The following SLC1A3 variants were observed in gnomAD, a reference collection of about 807,000 sequenced individuals.
SLC1A3 encodes excitatory amino acid transporter 1.
A neutral mutation model predicts 48.1 loss-of-function variants in SLC1A3; 21 were observed. That is an observed-to-expected ratio of 0.44 (90% CI 0.31 to 0.63). SLC1A3 has a LOEUF of 0.63. Ranked by LOEUF, SLC1A3 falls within the 20% of genes least tolerant of loss-of-function variation. SLC1A3 has a pLI of 0.08. For synonymous variants in SLC1A3, 239 were observed against 251.4 expected, an observed-to-expected ratio of 0.95 and a Z score of 0.47; for missense variants, 546 against 689.0, an observed-to-expected ratio of 0.79 and a Z score of 2.32.
intron 2 of SLC1A3, among the ~76,000 whole-genome samples, chr5:36,626,386 T>C (rs1739904597): frequency 6.6e-6 from 1 of 152,218 alleles, no homozygotes; most frequent in Non-Finnish European, 1.5e-5. Flanking sequence ...CTAGATAGTA[T>C]CCTGCCTACC....
intron 6 of SLC1A3, 99 bp from the exon 7 acceptor site, chr5:36,679,528 A>C: frequency 5.8e-6 from 5 of 861,726 alleles, no homozygotes; most frequent in Admixed American, 1.7e-5. Flanking sequence ...AAAGTTTGGC[A>C]GTCAACTCTC....
intron 6 of SLC1A3, among the ~76,000 whole-genome samples, chr5:36,677,753 A>G (rs912315661): frequency 6.6e-4 from 101 of 152,350 alleles, no homozygotes; most frequent in African/African-American, 2.2e-3. Flanking sequence ...CTGAATGAAC[A>G]GAGGAAGCAG....
At chr5:36,618,337 C>T (rs907371055) in intron 2 of SLC1A3, among the ~76,000 whole-genome samples, 1 of 152,142 alleles carries the variant, frequency 6.6e-6, no homozygotes, top group African/African-American at 2.4e-5. Context: ...CACCCCCTAC[C>T]ACCAATTTAG....
At chr5:36,597,570 C>T (rs931819633) in intron 1 of SLC1A3, among the ~76,000 whole-genome samples, 15 of 152,116 alleles carry the variant, frequency 9.9e-5, no homozygotes, top group African/African-American at 2.7e-4. Context: ...CCAAGAAATG[C>T]TGTCACTGCC....
chr5:36,654,268 T>C (rs1741203529), intron 3 of SLC1A3, among the ~76,000 whole-genome samples: 1 of 152,198 alleles, frequency 6.6e-6, no homozygotes, highest in Non-Finnish European at 1.5e-5. Flanking sequence ...GAAAACACTC[T>C]GTGAGTGGGA....
At chr5:36,610,375 C>T (rs1198303303) in intron 2 of SLC1A3, among the ~76,000 whole-genome samples, 1 of 152,208 alleles carries the variant, frequency 6.6e-6, no homozygotes, top group African/African-American at 2.4e-5. Context: ...TAAGCCACTT[C>T]CTTCTCATTC....
At chr5:36,621,827 G>A (rs1012845264) in intron 2 of SLC1A3, among the ~76,000 whole-genome samples, 2 of 152,106 alleles carry the variant, frequency 1.3e-5, no homozygotes, top group Admixed American at 1.3e-4. Flanking sequence ...GCCGTGTATA[G>A]CTCAATTGTC....
chr5:36,605,733 A>G (rs1331464042), upstream of SLC1A3, among the ~76,000 whole-genome samples: 4 of 152,114 alleles, frequency 2.6e-5, 1 homozygote, highest in East Asian at 1.9e-4. Context: ...TTATTTTCTA[A>G]TATCTATTTT....
chr5:36,681,260 T>C (rs1580047867), intron 8 of SLC1A3, among the ~76,000 whole-genome samples: 2 of 152,352 alleles, frequency 1.3e-5, no homozygotes, highest in East Asian at 3.9e-4. Flanking sequence ...CATGTTTGCC[T>C]TTGATTGGTT....
At chr5:36,656,616 T>G (rs4869682) in intron 3 of SLC1A3, among the ~76,000 whole-genome samples, 76,841 of 152,084 alleles carry the variant, frequency 0.51, 20,740 homozygotes, top group East Asian at 0.74. Context: ...GAAGAGGAGC[T>G]ACTATTTGTA....
intron 2 of SLC1A3, among the ~76,000 whole-genome samples, chr5:36,616,243 C>T (rs1739426954): frequency 6.6e-6 from 1 of 152,118 alleles, no homozygotes; most frequent in Non-Finnish European, 1.5e-5. Flanking sequence ...TCAAGATTGC[C>T]TAGAGCTTAT....
chr5:36,661,938 G>A (rs796308447), intron 3 of SLC1A3, among the ~76,000 whole-genome samples: 2 of 152,254 alleles, frequency 1.3e-5, no homozygotes, highest in African/African-American at 4.8e-5. Flanking sequence ...GTGCTATCTC[G>A]ATCATCTTCC....
chr5:36,616,489 G>C (rs569107576), intron 2 of SLC1A3, among the ~76,000 whole-genome samples: 1 of 152,104 alleles, frequency 6.6e-6, no homozygotes, highest in African/African-American at 2.4e-5. Flanking sequence ...ATTTCAAGAC[G>C]GGGTTTCTGT....
intron 3 of SLC1A3, among the ~76,000 whole-genome samples, chr5:36,654,579 TC>T (rs1741215104): frequency 6.6e-6 from 1 of 152,172 alleles, no homozygotes; most frequent in Non-Finnish European, 1.5e-5. Context: ...AGGCACCATT[TC>T]CTTTCCCCTA....
At chr5:36,635,173 G>GA (rs545440959) in intron 3 of SLC1A3, among the ~76,000 whole-genome samples, 7,805 of 131,978 alleles carry the variant, frequency 0.059, 297 homozygotes, top group African/African-American at 0.12. Flanking sequence ...ACGTTGTATT[G>GA]AAAAAAAAAA....
intron 2 of SLC1A3, among the ~76,000 whole-genome samples, chr5:36,620,567 A>T (rs1041745165): frequency 6.6e-6 from 1 of 152,180 alleles, no homozygotes; most frequent in Non-Finnish European, 1.5e-5. Context: ...TGTGCTCAGC[A>T]CCAGCTGGGG....
At chr5:36,613,009 G>A (rs367666333) in intron 2 of SLC1A3, 7 of 355,486 alleles carry the variant, frequency 2.0e-5, no homozygotes, top group African/African-American at 4.3e-5. Context: ...CCAATGGCCC[G>A]CTTTCTGGTT....
intron 2 of SLC1A3, among the ~76,000 whole-genome samples, chr5:36,620,002 C>T (rs985018148): frequency 1.3e-5 from 2 of 152,106 alleles, no homozygotes; most frequent in Non-Finnish European, 2.9e-5. Flanking sequence ...TGATCTCTCT[C>T]ATTTTGCAGA....
intron 2 of SLC1A3, among the ~76,000 whole-genome samples, chr5:36,613,823 C>G (rs1037751267): frequency 6.6e-6 from 1 of 152,092 alleles, no homozygotes; most frequent in African/African-American, 2.4e-5. Flanking sequence ...TCTGGAGAAG[C>G]CACACTGGGT....
Sources: gnomAD v4.1 joint callset for allele counts (sites outside exome capture counted in the v4.1 genomes callset) on GRCh38, gnomAD v4.1.1 for gene constraint, MANE v1.5 for transcripts, NCBI Gene and HGNC (gene_info 2026-07-23, HGNC 2026-07-21) for gene names.